MYO16: variants seen among roughly 807,000 people sequenced by gnomAD.
The protein encoded by MYO16 is unconventional myosin-XVI.
Under a neutral mutation model 205.3 loss-of-function variants are expected in MYO16, and 94 were observed. That is an observed-to-expected ratio of 0.46 (90% CI 0.39 to 0.54). The LOEUF is 0.54. MYO16 is among the 20% of genes least tolerant of loss of function. MYO16 has a pLI of 0.00. For missense variants in MYO16, 2,315 were observed against 2,387.5 expected (o/e 0.97, Z 0.63); for synonymous variants, 988 against 954.0 (o/e 1.04, Z -0.66).
intron 31 of MYO16, among the ~76,000 whole-genome samples, chr13:109,133,553 C>A (rs1413756837): frequency 1.3e-5 from 2 of 152,162 alleles, no homozygotes; most frequent in African/African-American, 2.4e-5. Flanking sequence ...TATCATTCTG[C>A]AGCAGTTCAG....
At chr13:108,739,629 T>C (rs955962347) in intron 4 of MYO16, among the ~76,000 whole-genome samples, 3 of 152,192 alleles carry the variant, frequency 2.0e-5, no homozygotes, top group Admixed American at 1.3e-4. Context: ...GTTGCTCTTC[T>C]CGAGGAGTAT....
At chr13:109,088,449 G>A (rs1330953248) in intron 27 of MYO16, among the ~76,000 whole-genome samples, 1 of 152,168 alleles carries the variant, frequency 6.6e-6, no homozygotes, top group East Asian at 1.9e-4. Context: ...AAGAGAACTC[G>A]AGAGTATTGT....
intron 1 of MYO16, among the ~76,000 whole-genome samples, chr13:108,660,944 A>G (rs960873566): frequency 2.6e-5 from 4 of 151,974 alleles, no homozygotes; most frequent in Non-Finnish European, 4.4e-5. Context: ...CATGATTTAA[A>G]TCTCCTTTTA....
At chr13:108,814,702 C>G (rs1887395897) in intron 7 of MYO16, among the ~76,000 whole-genome samples, 1 of 148,048 alleles carries the variant, frequency 6.8e-6, no homozygotes, top group African/African-American at 2.4e-5. Context: ...AAACCAAACA[C>G]TAATTTTGAA....
At chr13:109,030,168 C>CAA (rs10632019) in intron 23 of MYO16, among the ~76,000 whole-genome samples, 103,325 of 144,490 alleles carry the variant, frequency 0.72, 37,179 homozygotes, top group East Asian at 0.94. Flanking sequence ...AGAAGGAAAG[C>CAA]AAAAAAAAAA....
chr13:108,842,997 C>T (rs1877325147), intron 9 of MYO16, among the ~76,000 whole-genome samples: 1 of 152,134 alleles, frequency 6.6e-6, no homozygotes, highest in Non-Finnish European at 1.5e-5. Context: ...AAGCCAGACA[C>T]AGACCGACAA....
At chr13:108,908,672 G>T (rs72654009) in intron 15 of MYO16, among the ~76,000 whole-genome samples, 1 of 151,930 alleles carries the variant, frequency 6.6e-6, no homozygotes, top group Non-Finnish European at 1.5e-5. Flanking sequence ...ATTCACATTT[G>T]CATTTAAAAT....
intron 1 of MYO16, among the ~76,000 whole-genome samples, chr13:108,646,635 T>G (rs1880768620): frequency 6.6e-6 from 1 of 152,204 alleles, no homozygotes; most frequent in South Asian, 2.1e-4. Context: ...TCTCCTTCCA[T>G]CTGAGTGAAC....
chr13:108,689,435 A>G (rs1264069089), intron 2 of MYO16, among the ~76,000 whole-genome samples: 1 of 152,112 alleles, frequency 6.6e-6, no homozygotes, highest in Non-Finnish European at 1.5e-5. Flanking sequence ...TGCTAATTAA[A>G]CTAATAATTG....
At chr13:108,910,701 T>C (rs1881214518) in intron 16 of MYO16, among the ~76,000 whole-genome samples, 1 of 152,214 alleles carries the variant, frequency 6.6e-6, no homozygotes, top group Admixed American at 6.5e-5. Context: ...GCACTTCTGC[T>C]AACTGCCTGG....
In MYO16 at chr13:108,872,678, A is replaced by G. The variant is rs537528756; in HGVS notation, c.1425+6436A>G. Reference sequence around the variant, plus strand: ...AATATATATGAATTAAGTATTTAATATATAAGTATTATGATTTTATAAAAT... The same window carrying G: ...AATATATATGAATTAAGTATTTAATGTATAAGTATTATGATTTTATAAAAT... On this transcript the variant is annotated intron_variant, in intron 12 of 34. Coordinates refer to ENST00000457511, the MANE Select transcript of MYO16 (RefSeq NM_001198950.3). Among the ~76,000 whole-genome samples, 19 of 151,614 alleles carry G rather than the reference A, an allele frequency of 1.3e-4. No individual in the cohort carries two copies. The East Asian group carries it at 3.5e-3, about 28-fold the overall frequency.
At position 109,191,190 on chromosome 13, in the gene MYO16, G is replaced by C. The variant is rs182817827; in HGVS notation, c.5415+11557G>C. Among the ~76,000 whole-genome samples the C allele has an allele frequency of 3.4e-3, 524 of 152,072 alleles. 1 individual carries two copies. Among genetic ancestry groups the C allele is most frequent in the Non-Finnish European group, 6.3e-3 (429 of 67,998 alleles). Reference sequence around the variant, plus strand: ...GCCAAGATCGCGCCACTGCACTCCAGCCTGGGGGACAAGAGCGAAACTCTG... The same window carrying C: ...GCCAAGATCGCGCCACTGCACTCCACCCTGGGGGACAAGAGCGAAACTCTG... On this transcript the variant is annotated intron_variant, in intron 34 of 34. Transcript: ENST00000457511.
chr13:108,497,296 A>G, the MYO16 span, among the ~76,000 whole-genome samples: 1 of 152,214 alleles, frequency 6.6e-6, no homozygotes, highest in African/African-American at 2.4e-5. Context: ...CCTCGAAGGT[A>G]ATTTGTCATC....
intron 32 of MYO16, among the ~76,000 whole-genome samples, chr13:109,159,150 T>C (rs1878235612): frequency 1.3e-5 from 2 of 152,248 alleles, no homozygotes; most frequent in South Asian, 4.1e-4. Context: ...GTCCTTTCTC[T>C]CATAAGTTAA....
At chr13:108,983,061 T>C (rs1462598968) in intron 20 of MYO16, among the ~76,000 whole-genome samples, 1 of 152,182 alleles carries the variant, frequency 6.6e-6, no homozygotes, top group Admixed American at 6.5e-5. Flanking sequence ...ATTTGAACAT[T>C]TTATTGATAA....
chr13:108,747,587 A>G (rs1301959701), intron 4 of MYO16, among the ~76,000 whole-genome samples: 1 of 119,882 alleles, frequency 8.3e-6, no homozygotes, highest in Non-Finnish European at 1.8e-5. Context: ...ATGCTCAATT[A>G]AATCAATGGT....
chr13:108,845,573 T>C (rs1877477828), intron 10 of MYO16, among the ~76,000 whole-genome samples: 2 of 152,140 alleles, frequency 1.3e-5, no homozygotes. Context: ...CCCTTATGAT[T>C]TCATTTAACC....
chr13:108,865,898 A>C (rs1878688566), intron 11 of MYO16, among the ~76,000 whole-genome samples: 1 of 152,082 alleles, frequency 6.6e-6, no homozygotes, highest in African/African-American at 2.4e-5. Context: ...TTCTCACAGA[A>C]TCTTTTAAGA....
chr13:109,099,791 A>G (rs1888900705), intron 27 of MYO16, among the ~76,000 whole-genome samples: 1 of 152,222 alleles, frequency 6.6e-6, no homozygotes, highest in Admixed American at 6.5e-5. Flanking sequence ...GAGGAAAGCA[A>G]GTAAATAAAG....
Sources: gnomAD v4.1 joint callset for allele counts (sites outside exome capture counted in the v4.1 genomes callset) on GRCh38, gnomAD v4.1.1 for gene constraint, MANE v1.5 for transcripts, NCBI Gene and HGNC (gene_info 2026-07-23, HGNC 2026-07-21) for gene names.